The following BRAT1 variants were observed in gnomAD, a reference collection of about 807,000 sequenced individuals.
The protein encoded by BRAT1 is BRCA1 associated ATM activator 1.
A neutral mutation model predicts 70.6 loss-of-function variants in BRAT1; 74 were observed. The observed-to-expected ratio is 1.05, with a 90% CI of 0.87 to 1.27. The LOEUF is 1.27. Ranked by LOEUF, BRAT1 falls within the 50% of genes most tolerant of loss-of-function variation. The pLI is 0.00. For synonymous variants in BRAT1, 615 were observed against 517.1 expected (o/e 1.19, Z -2.57); for missense variants, 1,203 against 1,098.2 (o/e 1.10, Z -1.35).
At position 2,543,212 on chromosome 7, in the gene BRAT1, G is replaced by C. The variant is rs748023062; in HGVS notation, c.915C>G (p.Leu305=). 2.9e-5 allele frequency: 46 copies of C among 1,604,706 alleles called. 1 individual carries two copies. In the South Asian group the frequency reaches 3.4e-4, roughly 12 times the overall value. Residue 305 remains leucine (L), a synonymous_variant, in exon 6 of 14, where the codon CTC becomes CTG. Coordinates refer to ENST00000340611, the MANE Select transcript of BRAT1 (RefSeq NM_152743.4). The surrounding 1 kb of genome is among the most constrained non-coding windows in gnomAD (Gnocchi z 5.5). ...TGCACCCCAGACCATACCAGTGCTC[G>C]AGCTTCAGGATCCCCAAAGCCAGGG... ...MGPLALGILK[L]EHCPQALRTQ... is the part of the protein sequence containing the mutation.
chr7:2,538,240 C>A lies in BRAT1; in HGVS notation c.2295G>T (p.Gly765=). Residue 765 remains glycine (G), a synonymous_variant, in exon 14 of 14, where the codon GGG becomes GGT. Coordinates refer to ENST00000340611, the MANE Select transcript of BRAT1 (RefSeq NM_152743.4). The part of the protein sequence containing the change: ...WRAGEQAQPP[G]DQEPEAVLAM... The stretch of plus-strand genomic sequence containing the variant: ...CCAGCACAGCCTCAGGCTCCTGGTC[C>A]CCTGGGGGCTGGGCCTGCTCACCCG... The A allele has an allele frequency of 1.2e-6, 2 of 1,609,820 alleles. No homozygotes were observed. The highest frequency in any genetic ancestry group is 1.7e-6 in the Non-Finnish European group (2 of 1,178,438).
chr7:2,545,496 C>CTTT (rs71550356), intron 3 of BRAT1, among the ~76,000 whole-genome samples: 21,874 of 129,820 alleles, frequency 0.17, 2,707 homozygotes, highest in African/African-American at 0.29. Context: ...CTTTCTTCTT[C>CTTT]TTTTTTTTTT....
intron 3 of BRAT1, among the ~76,000 whole-genome samples, chr7:2,545,537 C>T (rs1272737077): frequency 1.4e-5 from 2 of 138,960 alleles, no homozygotes; most frequent in Non-Finnish European, 3.0e-5. Context: ...GTTGCCTAGG[C>T]TGGAGTGCAG....
intron 10 of BRAT1, 70 bp downstream of exon 10, chr7:2,540,909 G>C: frequency 1.4e-6 from 2 of 1,400,188 alleles, no homozygotes; most frequent in Non-Finnish European, 1.9e-6. Context: ...ACGGGACGGG[G>C]TGGAGTCAGG....
Position 2,539,529 on chromosome 7 carries a change from C to T in BRAT1, c.1597+15G>A, listed in dbSNP as rs1222958136. The T allele has an allele frequency of 6.5e-7, 1 of 1,542,106 alleles. No individual in the cohort carries two copies. Among genetic ancestry groups the T allele is most frequent in the South Asian group, 1.2e-5 (1 of 83,650 alleles). ...ACAGGCGGGGAAGGCAGCCCCTCCA[C>T]CTGCCAGCACTCACCTCCCCAGTGC... On this transcript the variant is annotated intron_variant, in intron 12 of 13. Transcript: ENST00000340611.
intron 2 of BRAT1, among the ~76,000 whole-genome samples, chr7:2,549,934 A>AT (rs958510331): frequency 6.6e-6 from 1 of 152,188 alleles, no homozygotes; most frequent in African/African-American, 2.4e-5. Flanking sequence ...ACATCTATGT[A>AT]TACCTAACCT....
Position 2,541,482 on chromosome 7 carries a change from G to C in BRAT1, c.1137C>G (p.Pro379=). 1 of 1,533,860 alleles carries C rather than the reference G, an allele frequency of 6.5e-7. No individual in the cohort carries two copies. The highest frequency in any genetic ancestry group is 8.8e-7 in the Non-Finnish European group (1 of 1,137,982). The change falls in exon 9 of 14, where the codon CCC becomes CCG. Residue 379 remains proline (P), a splice_region_variant and synonymous_variant. Coordinates refer to ENST00000340611, the MANE Select transcript of BRAT1 (RefSeq NM_152743.4). ...CCTGGGGCCACGGTGAAGGGCGCTG[G>C]GGCTGCGAGGAAGAGGGCCGTCAGC... ...LAHLEELQPL[P]QRPSPWPQAS... is the part of the protein sequence containing the mutation.
chr7:2,543,765 C>A lies in BRAT1; in HGVS notation c.628G>T (p.Ala210Ser). Reference sequence around the variant, plus strand: ...AGGGCCTGAGTGACCTTGGGGGTGGCCGCGGAGCACAAGGACTCTTCAACG... The same window carrying A: ...AGGGCCTGAGTGACCTTGGGGGTGGACGCGGAGCACAAGGACTCTTCAACG... ...DHVEESLCSAATPKVTQALNV... is the reference protein window; with the variant it reads ...DHVEESLCSASTPKVTQALNV... The change falls in exon 5 of 14, where the codon GCC (alanine) becomes TCC (serine). Residue 210 changes from alanine to serine, a missense_variant. Physicochemically the swap from Ala to Ser is moderately conservative, Grantham distance 99. Coordinates refer to ENST00000340611, the MANE Select transcript of BRAT1 (RefSeq NM_152743.4). This position sits in a 1 kb window ranked among gnomAD's most constrained non-coding sequence, Gnocchi z 5.5. The A allele has an allele frequency of 6.2e-7, 1 of 1,607,144 alleles. No homozygotes were observed. Among genetic ancestry groups the A allele is most frequent in the Admixed American group, 1.7e-5 (1 of 59,724 alleles).
intron 4 of BRAT1, among the ~76,000 whole-genome samples, chr7:2,544,540 G>T (rs1393112311): frequency 6.6e-6 from 1 of 152,062 alleles, no homozygotes; most frequent in Non-Finnish European, 1.5e-5. Flanking sequence ...TTGCTCTGTT[G>T]CCTAAGTTGG....
intron 4 of BRAT1, 189 bp from the exon 5 acceptor site, chr7:2,544,151 CG>C (rs1779409178): frequency 2.3e-6 from 1 of 438,306 alleles, no homozygotes; most frequent in Non-Finnish European, 4.0e-6. Flanking sequence ...TCCCCCCGAG[CG>C]TTAAACACAC....
intron 10 of BRAT1, 31 bp from the exon 11 acceptor site, chr7:2,539,919 C>T (rs1336892694): frequency 1.2e-5 from 17 of 1,443,286 alleles, no homozygotes; most frequent in Admixed American, 7.6e-5. Flanking sequence ...TGCAGGGCCA[C>T]GGGAGACGGA....
In BRAT1 at chr7:2,541,543, G is replaced by C. The variant is rs1413651731; in HGVS notation, c.1135-59C>G. ...GTCCCACTGCCGGCGTGGATGCAGG[G>C]GTGCTGGGACTTCGAGGCATGTGGG... On this transcript the variant is annotated intron_variant, in intron 8 of 13. Transcript: ENST00000340611. The C allele has an allele frequency of 7.4e-5, 111 of 1,492,778 alleles. No homozygotes were observed. In the East Asian group the frequency reaches 2.8e-3, roughly 37 times the overall value. The allele number at this position is 1,492,778 out of a possible 1,614,324, so 92.5% of individuals were successfully genotyped here. A position where few individuals can be genotyped will look rare whatever the true frequency, so the allele number is the denominator to read the frequency against.
At chr7:2,544,349 C>G (rs1779437880) in intron 4 of BRAT1, 1 of 181,858 alleles carries the variant, frequency 5.5e-6, no homozygotes, top group Non-Finnish European at 1.1e-5. Context: ...ATTACAGGCA[C>G]CCGCCATCAT....
At chr7:2,541,967 T>G in intron 7 of BRAT1, 131 bp from the exon 8 acceptor site, 1 of 1,214,082 alleles carries the variant, frequency 8.2e-7, no homozygotes, top group South Asian at 1.5e-5. Context: ...CCAGGGGAGA[T>G]GGCCATGTCC....
chr7:2,539,722 C>G, intron 11 of BRAT1, 64 bp downstream of exon 11: 2 of 1,555,346 alleles, frequency 1.3e-6, no homozygotes. Flanking sequence ...CCATTCCACC[C>G]AGCCCCTGCT....
At chr7:2,542,926 G>GATTACT in intron 6 of BRAT1, 1 of 240,366 alleles carries the variant, frequency 4.2e-6, no homozygotes. Context: ...GGAGCGCAGG[G>GATTACT]CGTCGGCAGG....
At chr7:2,542,439 T>C (rs995902714) in intron 6 of BRAT1, 1 of 568,312 alleles carries the variant, frequency 1.8e-6, no homozygotes, top group Non-Finnish European at 3.1e-6. Flanking sequence ...TAGGAGCAGA[T>C]ACTGAGGGGC....
At chr7:2,542,995 G>C in intron 6 of BRAT1, 1 of 495,860 alleles carries the variant, frequency 2.0e-6, no homozygotes. Context: ...GGATCTCGCA[G>C]AGCTTTGGTC....
At chr7:2,550,530 C>T (rs1209962090) in intron 2 of BRAT1, among the ~76,000 whole-genome samples, 7 of 111,504 alleles carry the variant, frequency 6.3e-5, no homozygotes, top group South Asian at 5.9e-4. Flanking sequence ...ATATGTAAAG[C>T]GAAAAAAAAA....
Sources: allele counts gnomAD v4.1 joint callset (sites outside exome capture counted in the v4.1 genomes callset), GRCh38; gene constraint gnomAD v4.1.1; non-coding constraint Gnocchi (gnomAD v3.1); transcripts MANE v1.5; gene names NCBI Gene and HGNC (gene_info 2026-07-23, HGNC 2026-07-21).